The following EDIL3 variants were observed in gnomAD, a reference collection of about 807,000 sequenced individuals.
EDIL3 encodes the protein EGF-like repeat and discoidin I-like domain-containing protein 3.
EDIL3 carries 37 observed loss-of-function variants against 67.4 expected under a neutral mutation model. That is an observed-to-expected ratio of 0.55 (90% confidence interval 0.42 to 0.72). EDIL3 has a LOEUF of 0.72. Ranked by LOEUF, EDIL3 falls within the 30% of genes least tolerant of loss-of-function variation. The pLI, the probability that EDIL3 is intolerant of heterozygous loss-of-function variation, is 0.00. For synonymous variants in EDIL3, 195 were observed against 196.3 expected (o/e 0.99, Z 0.05); for missense variants, 527 against 586.3 (o/e 0.90, Z 1.04).
At chr5:84,305,655 G>GC (rs1746251299) in intron 1 of EDIL3, among the ~76,000 whole-genome samples, 1 of 152,130 alleles carries the variant, frequency 6.6e-6, no homozygotes, top group Admixed American at 6.6e-5. Context: ...CAAGACGCGC[G>GC]GCTCACAAGA....
chr5:84,099,884 GA>G (rs149658541), intron 6 of EDIL3, among the ~76,000 whole-genome samples: 56,056 of 149,728 alleles, frequency 0.37, 10,643 homozygotes, highest in Non-Finnish European at 0.41. Context: ...AAATTTACAA[GA>G]AAAAAAAACC....
chr5:84,007,339 C>T (rs1050551958), intron 9 of EDIL3, among the ~76,000 whole-genome samples: 3 of 151,986 alleles, frequency 2.0e-5, no homozygotes, highest in Admixed American at 2.0e-4. Context: ...AAGAGACAAC[C>T]CACAGAATGG....
At chr5:84,301,012 G>A (rs1746148381) in intron 1 of EDIL3, among the ~76,000 whole-genome samples, 1 of 152,142 alleles carries the variant, frequency 6.6e-6, no homozygotes, top group African/African-American at 2.4e-5. Flanking sequence ...GCTCACGCCT[G>A]TAATCCCAAC....
chr5:84,370,880 C>T (rs760827901), intron 1 of EDIL3, among the ~76,000 whole-genome samples: 10 of 152,068 alleles, frequency 6.6e-5, no homozygotes, highest in Middle Eastern at 3.4e-3. Flanking sequence ...ACATTTTTAA[C>T]GATAAAAAGA....
At chr5:84,253,842 T>A (rs1160668712) in intron 2 of EDIL3, among the ~76,000 whole-genome samples, 1 of 151,804 alleles carries the variant, frequency 6.6e-6, no homozygotes, top group Non-Finnish European at 1.5e-5. Context: ...TATTTATGTA[T>A]TATTTGTAAT....
intron 5 of EDIL3, among the ~76,000 whole-genome samples, chr5:84,132,219 C>T (rs1263217288): frequency 5.0e-5 from 7 of 140,278 alleles, no homozygotes; most frequent in African/African-American, 8.1e-5. Flanking sequence ...ACCTGGGAGA[C>T]GGAGAGAGAC....
At chr5:84,068,075 C>A (rs540675273) in intron 6 of EDIL3, among the ~76,000 whole-genome samples, 1 of 152,288 alleles carries the variant, frequency 6.6e-6, no homozygotes, top group South Asian at 2.1e-4. Context: ...TAATATTTAT[C>A]TACATTTATC....
At chr5:84,371,984 A>T (rs1747865272) in intron 1 of EDIL3, among the ~76,000 whole-genome samples, 3 of 152,156 alleles carry the variant, frequency 2.0e-5, no homozygotes, top group Admixed American at 1.3e-4. Context: ...TATTAGTGCC[A>T]GAGATGGGAA....
At chr5:83,989,209 A>T (rs1449768942) in intron 9 of EDIL3, among the ~76,000 whole-genome samples, 22 of 152,158 alleles carry the variant, frequency 1.4e-4, no homozygotes, top group Non-Finnish European at 2.9e-5. Flanking sequence ...TAAATGCTGA[A>T]CAAAGAGAAA....
intron 9 of EDIL3, among the ~76,000 whole-genome samples, chr5:84,026,087 GA>G (rs1394897563): frequency 6.6e-6 from 1 of 152,178 alleles, no homozygotes; most frequent in Non-Finnish European, 1.5e-5. Context: ...GGACTGGTTA[GA>G]AATGCAGAAT....
chr5:84,068,437 T>G (rs1443409739), intron 6 of EDIL3, among the ~76,000 whole-genome samples: 1 of 152,192 alleles, frequency 6.6e-6, no homozygotes, highest in Non-Finnish European at 1.5e-5. Context: ...CAAATTATCT[T>G]TGCTAGAGTT....
chr5:83,945,004 C>T (rs943150788), intron 10 of EDIL3, among the ~76,000 whole-genome samples: 7 of 151,842 alleles, frequency 4.6e-5, no homozygotes, highest in South Asian at 2.1e-4. Context: ...CAGTCTTATA[C>T]GGCCACAAAT....
At chr5:84,057,460 G>A (rs1473458960) in intron 9 of EDIL3, among the ~76,000 whole-genome samples, 7 of 151,952 alleles carry the variant, frequency 4.6e-5, no homozygotes, top group South Asian at 2.1e-4. Flanking sequence ...TTAGCGATAC[G>A]CAGCCAATCT....
At chr5:83,962,355 C>T (rs10041580) in intron 10 of EDIL3, among the ~76,000 whole-genome samples, 141,297 of 151,404 alleles carry the variant, frequency 0.93, 66,090 homozygotes, top group Non-Finnish European at 0.97. Flanking sequence ...ATTCCTTGCA[C>T]AGTGACTCTA....
chr5:84,381,729 T>G (rs375603383), intron 1 of EDIL3, among the ~76,000 whole-genome samples: 1 of 152,252 alleles, frequency 6.6e-6, no homozygotes, highest in African/African-American at 2.4e-5. Context: ...TTGCATAAGA[T>G]GTCACGTGCT....
chr5:84,229,936 G>T, intron 2 of EDIL3, 52 bp from the exon 3 acceptor site: 5 of 1,207,884 alleles, frequency 4.1e-6, no homozygotes, highest in Non-Finnish European at 5.8e-6. Context: ...TGAAGGGAGG[G>T]AGAAGGGGGG....
chr5:84,248,636 A>T (rs950650547), intron 2 of EDIL3, among the ~76,000 whole-genome samples: 1 of 152,164 alleles, frequency 6.6e-6, no homozygotes, highest in South Asian at 2.1e-4. Flanking sequence ...GTCAAATTCA[A>T]CATGTGAAAT....
intron 6 of EDIL3, among the ~76,000 whole-genome samples, chr5:84,069,579 G>A (rs371151781): frequency 6.6e-6 from 1 of 151,714 alleles, no homozygotes; most frequent in East Asian, 1.9e-4. Flanking sequence ...ATGAAAAAGA[G>A]CAAAAAAGCA....
chr5:84,376,607 T>C (rs916025110), intron 1 of EDIL3, among the ~76,000 whole-genome samples: 2 of 152,204 alleles, frequency 1.3e-5, no homozygotes, highest in Non-Finnish European at 2.9e-5. Flanking sequence ...TTATAAGGAA[T>C]AGTTATGTAA....
Sources: gnomAD v4.1 joint callset for allele counts (sites outside exome capture counted in the v4.1 genomes callset) on GRCh38, gnomAD v4.1.1 for gene constraint, MANE v1.5 for transcripts, NCBI Gene and HGNC (gene_info 2026-07-23, HGNC 2026-07-21) for gene names.